The following HTT variants were observed in gnomAD, a reference collection of about 807,000 sequenced individuals.
The protein encoded by HTT is huntington disease protein.
A neutral mutation model predicts 362.3 loss-of-function variants in HTT; 104 were observed. The observed-to-expected ratio is 0.29, with a 90% CI of 0.24 to 0.34. The LOEUF (loss-of-function observed/expected upper bound fraction) is 0.34, where lower values mean the gene tolerates loss of function less well. HTT is among the 10% of genes least tolerant of loss of function. The pLI, the probability that HTT is intolerant of heterozygous loss-of-function variation, is 1.00. For missense variants in HTT, 3,301 were observed against 3,928.6 expected (o/e 0.84, Z 4.27); for synonymous variants, 1,577 against 1,548.7 (o/e 1.02, Z -0.43).
chr4:3,236,857 A>G (rs146083026), intron 64 of HTT, among the ~76,000 whole-genome samples: 23 of 152,106 alleles, frequency 1.5e-4, no homozygotes, highest in African/African-American at 3.1e-4. Flanking sequence ...CTCAAGGACA[A>G]GGGCCCCTGA....
intron 56 of HTT, among the ~76,000 whole-genome samples, chr4:3,224,516 G>C (rs1036216924): frequency 2.0e-5 from 3 of 152,180 alleles, no homozygotes; most frequent in Middle Eastern, 3.2e-3. Flanking sequence ...GCAGGGCACA[G>C]CTGGGCCTGA....
chr4:3,170,146 A>G (rs780340197), intron 29 of HTT, among the ~76,000 whole-genome samples: 1 of 151,654 alleles, frequency 6.6e-6, no homozygotes, highest in Non-Finnish European at 1.5e-5. Flanking sequence ...TGTGAATTTT[A>G]CTTTGTTGGA....
intron 12 of HTT, chr4:3,128,567 T>C (rs1009071684): frequency 1.3e-5 from 2 of 152,358 alleles, no homozygotes; most frequent in South Asian, 2.1e-4. Context: ...GAAATGTGAT[T>C]AATACTGTGC....
intron 59 of HTT, among the ~76,000 whole-genome samples, 194 bp from the exon 60 acceptor site, chr4:3,229,693 A>C (rs1255876428): frequency 6.6e-6 from 1 of 151,896 alleles, no homozygotes; most frequent in Non-Finnish European, 1.5e-5. Context: ...CACACCATAC[A>C]TGCACCACGT....
At position 3,235,353 on chromosome 4, in the gene HTT, C is replaced by T; in HGVS notation, c.8526C>T (p.Asn2842=). The change falls in exon 62 of 67, where the codon AAC becomes AAT. Residue 2842 remains asparagine, a synonymous_variant. Coordinates refer to ENST00000355072, the MANE Select transcript of HTT (RefSeq NM_001388492.1). ...CCACTGCGTTTTACCTCATTGAGAA[C>T]TATCCTCTGGACGTAGGGCCGGAAT... ...MCATAFYLIE[N]YPLDVGPEFS... is the part of the protein sequence containing the mutation. 1 of 1,613,984 alleles carries T rather than the reference C, an allele frequency of 6.2e-7. No individual in the cohort carries two copies. The highest frequency in any genetic ancestry group is 8.5e-7 in the Non-Finnish European group (1 of 1,179,816).
chr4:3,098,759 G>A (rs747718110), intron 2 of HTT, among the ~76,000 whole-genome samples: 97 of 152,156 alleles, frequency 6.4e-4, no homozygotes, highest in Non-Finnish European at 2.6e-4. Context: ...GGCCCATACC[G>A]AAAGCAAGAT....
chr4:3,205,470 A>G (rs901229098), intron 42 of HTT, among the ~76,000 whole-genome samples: 4 of 152,094 alleles, frequency 2.6e-5, no homozygotes, highest in Admixed American at 6.5e-5. Context: ...TAGTTTTTCT[A>G]TTTTGTTCTA....
At chr4:3,132,746 T>A (rs1297017858) in intron 17 of HTT, 26 bp downstream of exon 17, 4 of 1,613,756 alleles carry the variant, frequency 2.5e-6, no homozygotes, top group Non-Finnish European at 3.4e-6. Context: ...TCAGCTGTGT[T>A]TTTTCTAGTT....
intron 48 of HTT, 22 bp from the exon 49 acceptor site, chr4:3,212,542 C>G (rs1180401661): frequency 6.2e-7 from 1 of 1,610,598 alleles, no homozygotes; most frequent in African/African-American, 1.3e-5. Flanking sequence ...TTGCACCCAC[C>G]CACGAGGTCC....
At chr4:3,213,854 C>A in intron 49 of HTT, 104 bp from the exon 50 acceptor site, 1 of 1,031,054 alleles carries the variant, frequency 9.7e-7, no homozygotes, top group Non-Finnish European at 1.4e-6. Flanking sequence ...CACCTGGACG[C>A]GCTGCCCCTC....
At chr4:3,208,644 T>C (rs1474443751) in intron 45 of HTT, 129 bp from the exon 46 acceptor site, 2 of 817,922 alleles carry the variant, frequency 2.4e-6, no homozygotes, top group Admixed American at 6.8e-5. Flanking sequence ...TATTTTCCTT[T>C]AAGAAGCCAC....
chr4:3,142,791 C>A lies in HTT; in HGVS notation c.2971C>A (p.Pro991Thr). ...AATATATAGAGGCTATAACCTACTACCAAGCATAACAGACGTCACTATGGA... is the reference window on the plus strand; with the variant it reads ...AATATATAGAGGCTATAACCTACTAACAAGCATAACAGACGTCACTATGGA... ...TRIYRGYNLL[P>T]SITDVTMENN... The change falls in exon 23 of 67, where the codon CCA becomes ACA. Residue 991 changes from proline to threonine, a missense_variant. Pro to Thr is a conservative substitution (Grantham distance 38). This residue lies in a region of HTT where 2,316 missense variants were observed against 2,658.5 expected (regional missense o/e 0.87). Coordinates refer to ENST00000355072, the MANE Select transcript of HTT (RefSeq NM_001388492.1). 6.4e-7 allele frequency: 1 copy of A among 1,550,978 alleles called. No homozygotes were observed. The highest frequency in any genetic ancestry group is 8.9e-7 in the Non-Finnish European group (1 of 1,122,784).
At chr4:3,191,540 A>G (rs1719015871) in intron 40 of HTT, among the ~76,000 whole-genome samples, 3 of 152,204 alleles carry the variant, frequency 2.0e-5, no homozygotes, top group Admixed American at 2.0e-4. Flanking sequence ...TTATGGTTTC[A>G]GAACAGAATG....
chr4:3,213,854 C>T (rs577164816), intron 49 of HTT, 104 bp from the exon 50 acceptor site: 63 of 1,031,048 alleles, frequency 6.1e-5, no homozygotes, highest in East Asian at 4.0e-4. Context: ...CACCTGGACG[C>T]GCTGCCCCTC....
intron 2 of HTT, among the ~76,000 whole-genome samples, chr4:3,092,986 G>A (rs1713593158): frequency 6.6e-6 from 1 of 152,178 alleles, no homozygotes; most frequent in African/African-American, 2.4e-5. Flanking sequence ...CTGAGCCAGT[G>A]GTTTGCTGGG....
At chr4:3,202,412 A>T (rs926715682) in intron 41 of HTT, among the ~76,000 whole-genome samples, 3 of 152,174 alleles carry the variant, frequency 2.0e-5, no homozygotes, top group Non-Finnish European at 4.4e-5. Context: ...TAGCTGTATT[A>T]TTGCAAAGTG....
chr4:3,156,768 C>A (rs1396818134), intron 27 of HTT, among the ~76,000 whole-genome samples: 1 of 152,154 alleles, frequency 6.6e-6, no homozygotes, highest in African/African-American at 2.4e-5. Context: ...TGGAATTGGC[C>A]AGTGGTCCTT....
At chr4:3,216,777 G>A (rs1209213093) in intron 51 of HTT, among the ~76,000 whole-genome samples, 1 of 152,062 alleles carries the variant, frequency 6.6e-6, no homozygotes, top group African/African-American at 2.4e-5. Context: ...TGTAATCCCA[G>A]CACTTTGGGA....
At chr4:3,172,633 A>G (rs1718046870) in intron 30 of HTT, among the ~76,000 whole-genome samples, 1 of 152,132 alleles carries the variant, frequency 6.6e-6, no homozygotes, top group Admixed American at 6.6e-5. Context: ...CTCCTCTGCA[A>G]CCTCGCTAGT....
Sources: allele counts gnomAD v4.1 joint callset (sites outside exome capture counted in the v4.1 genomes callset), GRCh38; gene constraint gnomAD v4.1.1; regional missense constraint gnomAD v4.1.1; transcripts MANE v1.5; gene names NCBI Gene and HGNC (gene_info 2026-07-23, HGNC 2026-07-21).